Variants in NOS1AP observed in about 807,000 individuals in gnomAD.
The protein encoded by NOS1AP is nitric oxide synthase 1 adaptor protein.
NOS1AP carries 21 observed loss-of-function variants against 56.2 expected under a neutral mutation model. The ratio of observed to expected loss-of-function variants is 0.37; its 90% CI spans 0.26 to 0.54. NOS1AP has a LOEUF of 0.54. NOS1AP is among the 20% of genes least tolerant of loss of function. NOS1AP has a pLI of 0.84. For synonymous variants in NOS1AP, 270 were observed against 274.6 expected (o/e 0.98, Z 0.17); for missense variants, 522 against 657.8 (o/e 0.79, Z 2.26).
At chr1:162,231,910 A>G (rs910939969) in intron 2 of NOS1AP, among the ~76,000 whole-genome samples, 6 of 152,236 alleles carry the variant, frequency 3.9e-5, no homozygotes, top group South Asian at 2.1e-4. Context: ...GAAAGGAAAT[A>G]CACTGAAATC....
At chr1:162,293,401 C>A (rs888082108) in intron 3 of NOS1AP, among the ~76,000 whole-genome samples, 1 of 152,200 alleles carries the variant, frequency 6.6e-6, no homozygotes, top group African/African-American at 2.4e-5. Flanking sequence ...TTCAAAGATG[C>A]CATATCCATT....
intron 2 of NOS1AP, among the ~76,000 whole-genome samples, chr1:162,198,173 G>A (rs1375282198): frequency 6.6e-6 from 1 of 152,202 alleles, no homozygotes; most frequent in Non-Finnish European, 1.5e-5. Flanking sequence ...TTTAGGGGCT[G>A]GGAGGGAGCT....
At chr1:162,151,950 AGTGAAGGAGTTACTTGTGGG>A (rs1209759196) in intron 1 of NOS1AP, among the ~76,000 whole-genome samples, 1 of 152,050 alleles carries the variant, frequency 6.6e-6, no homozygotes, top group Admixed American at 6.5e-5. Flanking sequence ...TGGCTGATGT[AGTGAAGGAGTTACTTGTGGG>A]GTGAAGATGG....
chr1:162,156,204 G>A (rs1476437715), intron 2 of NOS1AP, among the ~76,000 whole-genome samples: 1 of 152,158 alleles, frequency 6.6e-6, no homozygotes, highest in African/African-American at 2.4e-5. Flanking sequence ...CATGGACACA[G>A]TAAGAAGTAG....
chr1:162,234,556 C>G (rs1394924908), intron 2 of NOS1AP, among the ~76,000 whole-genome samples: 2 of 152,150 alleles, frequency 1.3e-5, no homozygotes, highest in East Asian at 3.9e-4. Flanking sequence ...CTGAATTCCT[C>G]CCACGTGGAG....
intron 1 of NOS1AP, among the ~76,000 whole-genome samples, chr1:162,106,573 C>T (rs2102036437): frequency 6.6e-6 from 1 of 152,132 alleles, no homozygotes; most frequent in African/African-American, 2.4e-5. Flanking sequence ...GACTGTTCAG[C>T]AGTAGACCCT....
chr1:162,256,609 C>T (rs1215488009), intron 2 of NOS1AP, among the ~76,000 whole-genome samples: 2 of 152,340 alleles, frequency 1.3e-5, no homozygotes, highest in Admixed American at 6.5e-5. Flanking sequence ...CTCTTAGGCA[C>T]ACACACATAC....
intron 2 of NOS1AP, among the ~76,000 whole-genome samples, chr1:162,162,586 T>C (rs1036329036): frequency 6.6e-6 from 1 of 152,238 alleles, no homozygotes; most frequent in South Asian, 2.1e-4. Context: ...GTAGTCACTG[T>C]ATATTCCTGT....
intron 1 of NOS1AP, among the ~76,000 whole-genome samples, chr1:162,139,208 A>G (rs779537683): frequency 7.9e-5 from 12 of 152,044 alleles, no homozygotes; most frequent in Non-Finnish European, 1.5e-4. Flanking sequence ...CCAGAACTCC[A>G]GGGATGAGGT....
intron 2 of NOS1AP, among the ~76,000 whole-genome samples, chr1:162,235,832 C>T (rs1653273185): frequency 6.6e-6 from 1 of 152,224 alleles, no homozygotes; most frequent in African/African-American, 2.4e-5. Flanking sequence ...TGCTCACATA[C>T]ATGCATCCAT....
chr1:162,145,870 C>T (rs2102081876), intron 1 of NOS1AP, among the ~76,000 whole-genome samples: 1 of 152,286 alleles, frequency 6.6e-6, no homozygotes. Context: ...GGAGACCAGA[C>T]TGCATTTGGG....
intron 2 of NOS1AP, among the ~76,000 whole-genome samples, chr1:162,277,361 T>C (rs1654775974): frequency 1.3e-5 from 2 of 152,222 alleles, no homozygotes; most frequent in Non-Finnish European, 2.9e-5. Context: ...ATTTTCCTCC[T>C]CCTTCTCAAA....
intron 2 of NOS1AP, among the ~76,000 whole-genome samples, chr1:162,215,087 A>G (rs903602741): frequency 2.0e-5 from 3 of 152,188 alleles, no homozygotes; most frequent in East Asian, 1.9e-4. Flanking sequence ...AGCTTCTCCA[A>G]GATTTCTTGA....
intron 6 of NOS1AP, among the ~76,000 whole-genome samples, chr1:162,353,602 A>G (rs564462269): frequency 6.6e-6 from 1 of 152,324 alleles, no homozygotes; most frequent in South Asian, 2.1e-4. Flanking sequence ...AAACATTTTT[A>G]GGAAACATGA....
chr1:162,221,362 A>G (rs1369455250), intron 2 of NOS1AP, among the ~76,000 whole-genome samples: 1 of 152,166 alleles, frequency 6.6e-6, no homozygotes, highest in Admixed American at 6.5e-5. Flanking sequence ...TGCCTGTCTT[A>G]CTGTGTTTCT....
intron 2 of NOS1AP, among the ~76,000 whole-genome samples, chr1:162,199,381 A>G (rs541488806): frequency 6.6e-6 from 1 of 152,308 alleles, no homozygotes; most frequent in Admixed American, 6.5e-5. Context: ...GTAAGGCTCC[A>G]TAGATGAAGT....
At chr1:162,306,157 G>T (rs1375019625) in intron 4 of NOS1AP, among the ~76,000 whole-genome samples, 5 of 152,198 alleles carry the variant, frequency 3.3e-5, no homozygotes, top group African/African-American at 1.2e-4. Context: ...GTCAGAATGT[G>T]CAGGAAGCCA....
At chr1:162,186,107 G>A (rs1191646194) in intron 2 of NOS1AP, among the ~76,000 whole-genome samples, 2 of 152,172 alleles carry the variant, frequency 1.3e-5, no homozygotes, top group African/African-American at 4.8e-5. Context: ...TCAAGATGGG[G>A]TATTCCTGGT....
At chr1:162,240,442 G>A (rs1030364486) in intron 2 of NOS1AP, among the ~76,000 whole-genome samples, 3 of 152,184 alleles carry the variant, frequency 2.0e-5, no homozygotes, top group Non-Finnish European at 4.4e-5. Context: ...AAGCTCAGCA[G>A]GGCCCCAGAA....
Sources: allele counts gnomAD v4.1 joint callset (sites outside exome capture counted in the v4.1 genomes callset), GRCh38; gene constraint gnomAD v4.1.1; transcripts MANE v1.5; gene names NCBI Gene and HGNC (gene_info 2026-07-23, HGNC 2026-07-21).